NR2F1: variants seen among roughly 807,000 people sequenced by gnomAD.
NR2F1 encodes COUP transcription factor 1.
In NR2F1, 1 loss-of-function variant was observed where a neutral mutation model predicts 37.7. The ratio of observed to expected loss-of-function variants is 0.03; its 90% CI spans 0.01 to 0.13. The LOEUF is 0.13. Among genes scored for constraint, NR2F1 ranks in the 10% least tolerant of loss-of-function variants. The pLI, the probability that NR2F1 is intolerant of heterozygous loss-of-function variation, is 1.00. For synonymous variants in NR2F1, 275 were observed against 259.6 expected (o/e 1.06, Z -0.57); for missense variants, 268 against 578.4 (o/e 0.46, Z 5.50).
chr5:93,586,737 C>A (rs968115942), intron 1 of NR2F1, among the ~76,000 whole-genome samples: 2 of 150,844 alleles, frequency 1.3e-5, no homozygotes, highest in Non-Finnish European at 3.0e-5. Context: ...AAAAAAAAAA[C>A]TTTGAATTGT....
rs1580363290 is a variant in NR2F1 at position 93,593,418 on chromosome 5, T to G, written c.992-144T>G. On this transcript the variant is annotated intron_variant, in intron 2 of 2. Coordinates refer to ENST00000327111, the MANE Select transcript of NR2F1 (RefSeq NM_005654.6). This position sits in a 1 kb window ranked among gnomAD's most constrained non-coding sequence, Gnocchi z 5.6. ...AAGGGGATGGAGAGGTATAGGAGGG[T>G]GAATTTTTCTTTTCTCTTTTACTTC... is the stretch of plus-strand genomic sequence containing the variant. 3 of 796,272 alleles carry G rather than the reference T, an allele frequency of 3.8e-6. No individual in the cohort carries two copies. The highest frequency in any genetic ancestry group is 2.5e-5 in the East Asian group (1 of 40,534). 49.3% of individuals were successfully genotyped at this position (796,272 alleles called of 1,614,324 possible). A position where few individuals can be genotyped will look rare whatever the true frequency, so the allele number is the denominator to read the frequency against.
At position 93,591,495 on chromosome 5, in the gene NR2F1, C is replaced by T. The variant is rs1561526295; in HGVS notation, c.992-2067C>T. Among the ~76,000 whole-genome samples, 5 of 152,186 alleles carry T rather than the reference C, an allele frequency of 3.3e-5. No homozygotes were observed. In the South Asian group the frequency reaches 1.0e-3, roughly 32 times the overall value. ...GGTACCTGGCAGGCAGGCCCAGCTACAGGCATTCACCTCCAAAGGAGGGAA... is the reference window on the plus strand; with the variant it reads ...GGTACCTGGCAGGCAGGCCCAGCTATAGGCATTCACCTCCAAAGGAGGGAA... On this transcript the variant is annotated intron_variant, in intron 2 of 2. Transcript: ENST00000327111.
In NR2F1 at chr5:93,594,544, T is replaced by C; in HGVS notation, c.*702T>C. The C allele has an allele frequency of 6.6e-6, 1 of 152,212 alleles. No homozygotes were observed. The highest frequency in any genetic ancestry group is 1.9e-4 in the East Asian group (1 of 5,204). The allele number at this position is 152,212 out of a possible 1,614,324, so 9.4% of individuals were successfully genotyped here. A position where few individuals can be genotyped will look rare whatever the true frequency, so the allele number is the denominator to read the frequency against. On this transcript the variant is annotated 3_prime_UTR_variant, in exon 3 of 3. Coordinates refer to ENST00000327111, the MANE Select transcript of NR2F1 (RefSeq NM_005654.6). ...CTTATAATGAGTGCGATATATGTTG[T>C]CGAGGCTGTTCTTCAAGAATTAAAA...
At chr5:93,586,016 T>C (rs1753225902) in intron 1 of NR2F1, among the ~76,000 whole-genome samples, 1 of 152,126 alleles carries the variant, frequency 6.6e-6, no homozygotes, top group Admixed American at 6.5e-5. Context: ...GCCATCATCC[T>C]TTTGGAAGCT....
intron 2 of NR2F1, among the ~76,000 whole-genome samples, chr5:93,590,273 A>G (rs1017131703): frequency 6.6e-6 from 1 of 152,204 alleles, no homozygotes; most frequent in Non-Finnish European, 1.5e-5. Context: ...ACGTTTTCTC[A>G]GGAAAGGTCT....
At chr5:93,586,141 T>G (rs1253913668) in intron 1 of NR2F1, among the ~76,000 whole-genome samples, 2 of 141,866 alleles carry the variant, frequency 1.4e-5, no homozygotes, top group Non-Finnish European at 2.9e-5. Flanking sequence ...TGGGGCCGCC[T>G]CCTCCAGAGC....
At chr5:93,586,572 A>G (rs751126515) in intron 1 of NR2F1, among the ~76,000 whole-genome samples, 1 of 152,224 alleles carries the variant, frequency 6.6e-6, no homozygotes, top group Non-Finnish European at 1.5e-5. Flanking sequence ...GAACCAGTCA[A>G]TTTTGCAGAA....
Position 93,593,611 on chromosome 5 carries a change from G to A in NR2F1, c.1041G>A (p.Lys347=). The change falls in exon 3 of 3, where the codon AAG becomes AAA. Residue 347 remains lysine (K), a synonymous_variant. Transcript: ENST00000327111. This position sits in a 1 kb window ranked among gnomAD's most constrained non-coding sequence, Gnocchi z 5.6. ...DAAHIESLQE[K]SQCALEEYVR... Reference sequence around the variant, plus strand: ...CCCACATCGAGAGCCTGCAGGAGAAGTCGCAGTGCGCACTGGAGGAGTACG... The same window carrying A: ...CCCACATCGAGAGCCTGCAGGAGAAATCGCAGTGCGCACTGGAGGAGTACG... 1 of 1,614,050 alleles carries A rather than the reference G, an allele frequency of 6.2e-7. No individual in the cohort carries two copies.
In NR2F1 at chr5:93,593,319, C is replaced by T. The variant is rs1295049543; in HGVS notation, c.992-243C>T. On this transcript the variant is annotated intron_variant, in intron 2 of 2. Coordinates refer to ENST00000327111, the MANE Select transcript of NR2F1 (RefSeq NM_005654.6). This position sits in a 1 kb window ranked among gnomAD's most constrained non-coding sequence, Gnocchi z 5.6. ...TGCATGTGTGTGCCTCTCTCTCCAG[C>T]TCCCCTAGGCTTGGTGGGGGTTTGA... is the stretch of plus-strand genomic sequence containing the variant. Among the ~76,000 whole-genome samples, 1 of 151,814 alleles carries T rather than the reference C, an allele frequency of 6.6e-6. No homozygotes were observed. Among genetic ancestry groups the T allele is most frequent in the South Asian group, 2.1e-4 (1 of 4,806 alleles).
intron 2 of NR2F1, among the ~76,000 whole-genome samples, chr5:93,590,799 G>A (rs1040676378): frequency 2.6e-5 from 4 of 152,190 alleles, no homozygotes; most frequent in African/African-American, 4.8e-5. Flanking sequence ...GGGGTCCCCC[G>A]TGGTGGTTTT....
Position 93,584,995 on chromosome 5 carries a change from T to TC in NR2F1, c.-23dup. 6.1e-6 allele frequency: 6 copies of TC among 979,226 alleles called. No homozygotes were observed. Among genetic ancestry groups the TC allele is most frequent in the Non-Finnish European group, 7.3e-6 (6 of 827,012 alleles). The allele number at this position is 979,226 out of a possible 1,614,324, so 60.7% of individuals were successfully genotyped here. ...CGCGGCCCTCGGCGAGCAGCTCGGC[T>TC]CCCCCCAGCGCTCCCCGGGCCCAAA... On this transcript the variant is annotated 5_prime_UTR_variant, in exon 1 of 3. Transcript: ENST00000327111.
rs115318322 is a variant in NR2F1 at position 93,590,280 on chromosome 5, G to A, written c.991+1836G>A. On this transcript the variant is annotated intron_variant, in intron 2 of 2. Coordinates refer to ENST00000327111, the MANE Select transcript of NR2F1 (RefSeq NM_005654.6). ...CTGGACAGACGTTTTCTCAGGAAAG[G>A]TCTCTCCTCTCTTTTCCTTACACCC... Among the ~76,000 whole-genome samples the A allele has an allele frequency of 4.8e-3, 735 of 152,298 alleles. 6 individuals are homozygous for A. The highest frequency in any genetic ancestry group is 0.012 in the Admixed American group (176 of 15,300).
rs145104274 is a variant in NR2F1, at chr5:93,593,578, G to A, written c.1008G>A (p.Ser336=). 3.0e-5 allele frequency: 49 copies of A among 1,613,494 alleles called. No individual in the cohort carries two copies. Among genetic ancestry groups the A allele is most frequent in the Middle Eastern group, 3.3e-4 (2 of 6,054 alleles). Residue 336 remains serine, a synonymous_variant, in exon 3 of 3, where the codon TCG becomes TCA. Coordinates refer to ENST00000327111, the MANE Select transcript of NR2F1 (RefSeq NM_005654.6). The surrounding 1 kb of genome is among the most constrained non-coding windows in gnomAD (Gnocchi z 5.6). The stretch of plus-strand genomic sequence containing the variant: ...CTTGGGCAGACGCCTGTGGCCTGTC[G>A]GATGCGGCCCACATCGAGAGCCTGC... ...VLFTSDACGL[S]DAAHIESLQE... is the part of the protein sequence containing the mutation.
At chr5:93,585,719 C>T (rs927637694) in intron 1 of NR2F1, 2 of 555,576 alleles carry the variant, frequency 3.6e-6, no homozygotes, top group Non-Finnish European at 3.2e-6. Flanking sequence ...TCCCCCACCC[C>T]GCCCGCTGCC....
At position 93,594,010 on chromosome 5, in the gene NR2F1, G is replaced by A. The variant is rs560475676; in HGVS notation, c.*168G>A. ...AGCCCACCCAGCAGAAATACAATCC[G>A]AGCTACAAAGCATGGGAAAAAGAGA... On this transcript the variant is annotated 3_prime_UTR_variant, in exon 3 of 3. Coordinates refer to ENST00000327111, the MANE Select transcript of NR2F1 (RefSeq NM_005654.6). 4 of 604,582 alleles carry A rather than the reference G, an allele frequency of 6.6e-6. No homozygotes were observed. Among genetic ancestry groups the A allele is most frequent in the East Asian group, 2.8e-5 (1 of 35,688 alleles). 37.5% of individuals were successfully genotyped at this position (604,582 alleles called of 1,614,324 possible).
intron 2 of NR2F1, among the ~76,000 whole-genome samples, chr5:93,591,097 C>T (rs976055930): frequency 6.6e-6 from 1 of 152,224 alleles, no homozygotes; most frequent in African/African-American, 2.4e-5. Flanking sequence ...ACATTCTCTG[C>T]ACTACAAAGG....
Position 93,584,252 on chromosome 5 carries a change from C to T in NR2F1, c.-772C>T, listed in dbSNP as rs1344303381. The T allele has an allele frequency of 6.7e-6, 1 of 149,132 alleles. No individual in the cohort carries two copies. Among genetic ancestry groups the T allele is most frequent in the Non-Finnish European group, 1.5e-5 (1 of 66,640 alleles). 9.2% of individuals were successfully genotyped at this position (149,132 alleles called of 1,614,324 possible). On this transcript the variant is annotated 5_prime_UTR_variant, in exon 1 of 3. Coordinates refer to ENST00000327111, the MANE Select transcript of NR2F1 (RefSeq NM_005654.6). ...ACTCCGGCCCGGGTCCCGGCTCCTC[C>T]AGCGGCGCTCGCCGCAGCAGCTCCG... is the stretch of plus-strand genomic sequence containing the variant.
At position 93,583,688 on chromosome 5, in the gene NR2F1, G is replaced by GT. The variant is rs931996276; in HGVS notation, c.-1329dup. ...AGAACATTTTTGGGCGATCTCCAGGGTTTTTTTAACTAGCTCTGTGTGTTA... is the reference window on the plus strand; with the variant it reads ...AGAACATTTTTGGGCGATCTCCAGGGTTTTTTTTAACTAGCTCTGTGTGTTA... On this transcript the variant is annotated 5_prime_UTR_variant, in exon 1 of 3. Transcript: ENST00000327111. 5.3e-5 allele frequency: 8 copies of GT among 152,110 alleles called. No individual in the cohort carries two copies. The highest frequency in any genetic ancestry group is 2.1e-4 in the South Asian group (1 of 4,808). 9.4% of individuals were successfully genotyped at this position (152,110 alleles called of 1,614,324 possible).
intron 1 of NR2F1, 83 bp downstream of exon 1, chr5:93,585,569 G>A (rs961992179): frequency 8.6e-7 from 1 of 1,166,910 alleles, no homozygotes; most frequent in Admixed American, 2.1e-5. Flanking sequence ...GGTGGTTGCT[G>A]TGTGGGGCTG....
Sources: allele counts gnomAD v4.1 joint callset (sites outside exome capture counted in the v4.1 genomes callset), GRCh38; gene constraint gnomAD v4.1.1; non-coding constraint Gnocchi (gnomAD v3.1); transcripts MANE v1.5; gene names NCBI Gene and HGNC (gene_info 2026-07-23, HGNC 2026-07-21).